Variants in TGFBR3 observed in about 807,000 individuals in gnomAD.
TGFBR3 encodes the protein transforming growth factor beta receptor 3, also known as transforming growth factor beta receptor type 3.
TGFBR3 carries 46 observed loss-of-function variants against 87.9 expected under a neutral mutation model. The observed-to-expected ratio is 0.52, with a 90% CI of 0.41 to 0.67. The LOEUF (loss-of-function observed/expected upper bound fraction) is 0.67. Among genes scored for constraint, TGFBR3 ranks in the 30% least tolerant of loss-of-function variants. TGFBR3 has a pLI of 0.00. For synonymous variants in TGFBR3, 381 were observed against 391.6 expected (o/e 0.97, Z 0.32); for missense variants, 866 against 1,041.9 (o/e 0.83, Z 2.32).
intron 3 of TGFBR3, among the ~76,000 whole-genome samples, chr1:91,764,705 T>C (rs897763897): frequency 6.6e-6 from 1 of 152,182 alleles, no homozygotes; most frequent in Non-Finnish European, 1.5e-5. Flanking sequence ...CACTTTTCTA[T>C]CATTCTTTGG....
chr1:91,780,884 T>TACACACACAC lies in TGFBR3; in HGVS notation c.246+16393_246+16402dup, dbSNP rs56862200. Among the ~76,000 whole-genome samples, 159 of 132,656 alleles carry TACACACACAC rather than the reference T, an allele frequency of 1.2e-3. 1 individual carries two copies. The highest frequency in any genetic ancestry group is 6.9e-3 in the Admixed American group (90 of 13,116). 87.0% of individuals were successfully genotyped at this position (132,656 alleles called of 152,430 possible). On this transcript the variant is annotated intron_variant, in intron 3 of 16. Coordinates refer to ENST00000212355, the MANE Select transcript of TGFBR3 (RefSeq NM_003243.5). ...TCCTAAGGCTTTTAAACTAGAGAAC[T>TACACACACAC]ACACACACACACACACACACACACA...
chr1:91,865,065 T>C (rs1010162295), intron 1 of TGFBR3, among the ~76,000 whole-genome samples: 3 of 151,632 alleles, frequency 2.0e-5, no homozygotes, highest in Admixed American at 6.6e-5. Flanking sequence ...TAGCCAGGCG[T>C]GGTGGTACGT....
At position 91,716,319 on chromosome 1, in the gene TGFBR3, T is replaced by C. The variant is rs778130466; in HGVS notation, c.1783A>G (p.Met595Val). 1.1e-5 allele frequency: 18 copies of C among 1,614,038 alleles called. No homozygotes were observed. Among genetic ancestry groups the C allele is most frequent in the Admixed American group, 5.0e-5 (3 of 60,006 alleles). ...AAGAGGTCAGTGTTGTATAGCTCCA[T>C]GTTGAAGGTGATGTTTCCGTGGGGC... ...EQPHGNITFN[M>V]ELYNTDLFLV... The change falls in exon 12 of 17, where the codon ATG becomes GTG. Residue 595 changes from methionine (M) to valine (V), a missense_variant. By Grantham distance (21) the Met-to-Val change is conservative (BLOSUM62 1). Coordinates refer to ENST00000212355, the MANE Select transcript of TGFBR3 (RefSeq NM_003243.5).
chr1:91,886,211 G>A (rs1286027294), upstream of TGFBR3: 1 of 452,516 alleles, frequency 2.2e-6, no homozygotes, highest in African/African-American at 2.0e-5. Context: ...GGCGGGGACG[G>A]GCAGGACGCC....
At chr1:91,730,056 G>A (rs1019249471) in intron 5 of TGFBR3, 83 bp from the exon 6 acceptor site, 13 of 1,506,076 alleles carry the variant, frequency 8.6e-6, no homozygotes, top group African/African-American at 4.1e-5. Context: ...CAGTGAAACT[G>A]AGCAAATGGC....
At position 91,700,535 on chromosome 1, in the gene TGFBR3, T is replaced by A. The variant is rs187755810; in HGVS notation, c.2288-2405A>T. On this transcript the variant is annotated intron_variant, in intron 14 of 16. Coordinates refer to ENST00000212355, the MANE Select transcript of TGFBR3 (RefSeq NM_003243.5). ...ACTGGATGAATCAGAGCCACCACAA[T>A]TGAATGGTGCCCCCTGGAGTTGTGC... is the stretch of plus-strand genomic sequence containing the variant. Among the ~76,000 whole-genome samples the A allele has an allele frequency of 4.4e-3, 670 of 152,276 alleles. 3 individuals are homozygous for A. Among genetic ancestry groups the A allele is most frequent in the Non-Finnish European group, 8.0e-3 (544 of 68,018 alleles).
chr1:91,774,258 C>A (rs555159574), intron 3 of TGFBR3, among the ~76,000 whole-genome samples: 1 of 152,234 alleles, frequency 6.6e-6, no homozygotes, highest in East Asian at 1.9e-4. Context: ...CCGCCTCAAC[C>A]TCCCAAATAG....
intron 2 of TGFBR3, among the ~76,000 whole-genome samples, chr1:91,833,154 G>C (rs1015794771): frequency 1.3e-5 from 2 of 151,402 alleles, no homozygotes; most frequent in Admixed American, 6.6e-5. Context: ...AAATTAACCA[G>C]TCTTGGTGGC....
At chr1:91,730,185 G>A (rs983625882) in intron 5 of TGFBR3, among the ~76,000 whole-genome samples, 27 of 152,132 alleles carry the variant, frequency 1.8e-4, no homozygotes, top group Non-Finnish European at 2.9e-5. Context: ...CCCCCAACTA[G>A]GGGCCTCTTT....
Position 91,900,045 on chromosome 1 carries a change from T to TA in TGFBR3, c.-174-349dup, listed in dbSNP as rs1013436031. On this transcript the variant is annotated intron_variant, in intron 1 of 17. Transcript: ENST00000370399. ...TTTGTGCATAGATATTTGGAGTAGT[T>TA]AAAAAAAAAAGATTCTGAAATATAC... Among the ~76,000 whole-genome samples, 691 of 149,410 alleles carry TA rather than the reference T, an allele frequency of 4.6e-3. 7 individuals are homozygous for TA. The highest frequency in any genetic ancestry group is 0.015 in the African/African-American group (614 of 40,850).
chr1:91,866,830 G>A (rs56194616), intron 1 of TGFBR3: 9,357 of 152,390 alleles, frequency 0.061, 569 homozygotes, highest in African/African-American at 0.16. Context: ...CAGGAGGGAG[G>A]AGAGCTGCAG....
Position 91,719,970 on chromosome 1 carries a change from C to T in TGFBR3, c.1336G>A (p.Gly446Arg). Residue 446 changes from glycine (G) to arginine (R), a missense_variant, in exon 9 of 17, where the codon GGG (glycine) becomes AGG (arginine). Physicochemically the swap from Gly to Arg is moderately radical, Grantham distance 125. Coordinates refer to ENST00000212355, the MANE Select transcript of TGFBR3 (RefSeq NM_003243.5). ...ACAGACAGGGCAATATCCACGCTCC[C>T]TTGCACCTCTTCTGGCTCTCTGAGA... is the stretch of plus-strand genomic sequence containing the variant. ...PGLREPEEVQ[G>R]SVDIALSVKC... The T allele has an allele frequency of 6.2e-7, 1 of 1,614,202 alleles. No individual in the cohort carries two copies. The highest frequency in any genetic ancestry group is 1.1e-5 in the South Asian group (1 of 91,078).
At chr1:91,852,399 T>C (rs1017806676) in intron 2 of TGFBR3, among the ~76,000 whole-genome samples, 24 of 152,234 alleles carry the variant, frequency 1.6e-4, no homozygotes, top group African/African-American at 2.4e-4. Context: ...TGTGTGTGTG[T>C]GCGCATGCAT....
At chr1:91,778,190 C>T (rs986022790) in intron 3 of TGFBR3, among the ~76,000 whole-genome samples, 6 of 150,632 alleles carry the variant, frequency 4.0e-5, no homozygotes, top group Non-Finnish European at 7.4e-5. Context: ...CATAAGAAGA[C>T]ATGAGACACC....
upstream of TGFBR3, chr1:91,886,219 G>A (rs145149830): frequency 4.5e-6 from 2 of 449,210 alleles, no homozygotes; most frequent in East Asian, 7.1e-5. Context: ...CGGGCAGGAC[G>A]CCACAGCAAT....
Position 91,753,026 on chromosome 1 carries a change from C to CA in TGFBR3, c.384+5586dup, listed in dbSNP as rs1012182538. On this transcript the variant is annotated intron_variant, in intron 4 of 16. Transcript: ENST00000212355. ...TGGGCTACAGAGCCAGACCCTCTCT[C>CA]AAAAAAAAAAAGAAAAAAAGAAAAA... Among the ~76,000 whole-genome samples the CA allele has an allele frequency of 3.5e-3, 364 of 104,902 alleles. 2 individuals are homozygous for CA. Among genetic ancestry groups the CA allele is most frequent in the African/African-American group, 8.0e-3 (223 of 27,726 alleles). 68.8% of individuals were successfully genotyped at this position (104,902 alleles called of 152,430 possible). A position where few individuals can be genotyped will look rare whatever the true frequency, so the allele number is the denominator to read the frequency against.
chr1:91,732,540 T>C (rs544815690), intron 5 of TGFBR3, among the ~76,000 whole-genome samples: 1 of 152,236 alleles, frequency 6.6e-6, no homozygotes, highest in South Asian at 2.1e-4. Flanking sequence ...ACAAGAAAGG[T>C]AGAGCCAGGT....
At chr1:91,782,338 G>C (rs1674803132) in intron 3 of TGFBR3, among the ~76,000 whole-genome samples, 4 of 152,184 alleles carry the variant, frequency 2.6e-5, no homozygotes, top group Admixed American at 2.6e-4. Flanking sequence ...CTCTTCAGTT[G>C]CCTTTGATTT....
chr1:91,828,421 G>A (rs1382192017), intron 2 of TGFBR3, among the ~76,000 whole-genome samples: 1 of 152,204 alleles, frequency 6.6e-6, no homozygotes, highest in Non-Finnish European at 1.5e-5. Flanking sequence ...ATAGCCCAGT[G>A]TATAAATGTT....
Sources: allele counts gnomAD v4.1 joint callset (sites outside exome capture counted in the v4.1 genomes callset), GRCh38; gene constraint gnomAD v4.1.1; transcripts MANE v1.5; gene names NCBI Gene and HGNC (gene_info 2026-07-23, HGNC 2026-07-21).